Variants in PPFIA2 observed in about 807,000 individuals in gnomAD.
PPFIA2 encodes liprin-alpha-2.
PPFIA2 carries 46 observed loss-of-function variants against 175.5 expected under a neutral mutation model. The observed-to-expected ratio is 0.26, with a 90% CI of 0.21 to 0.34. The LOEUF (loss-of-function observed/expected upper bound fraction) is 0.34, where lower values mean the gene tolerates loss of function less well. Ranked by LOEUF, PPFIA2 falls within the 10% of genes least tolerant of loss-of-function variation. The pLI, the probability that PPFIA2 is intolerant of heterozygous loss-of-function variation, is 1.00. For synonymous variants in PPFIA2, 568 were observed against 511.4 expected (o/e 1.11, Z -1.49); for missense variants, 1,179 against 1,506.1 (o/e 0.78, Z 3.60).
chr12:81,379,820 CAT>C (rs2037237040), intron 9 of PPFIA2, among the ~76,000 whole-genome samples: 1 of 152,122 alleles, frequency 6.6e-6, no homozygotes, highest in African/African-American at 2.4e-5. Context: ...ATCAGTGGAA[CAT>C]ATTTATAAAT....
rs138328261 is a variant in PPFIA2 at position 81,508,482 on chromosome 12, T to C, written c.304-50616A>G. 2.3e-3 allele frequency among the ~76,000 whole-genome samples: 304 copies of C among 134,176 alleles called. 7 individuals are homozygous for C. The East Asian group carries it at 0.048, about 21-fold the overall frequency. 88.0% of individuals were successfully genotyped at this position (134,176 alleles called of 152,430 possible). ...GTTGTGGTGAGCCAAGATCATGCCA[T>C]TGCACTCCAGCCTGGACAACAAGAG... On this transcript the variant is annotated intron_variant, in intron 4 of 32. Coordinates refer to ENST00000549396, the MANE Select transcript of PPFIA2 (RefSeq NM_003625.5).
chr12:81,730,062 C>T (rs1343037386), intron 3 of PPFIA2, among the ~76,000 whole-genome samples: 1 of 151,542 alleles, frequency 6.6e-6, no homozygotes, highest in Non-Finnish European at 1.5e-5. Context: ...GAACTTCTGA[C>T]CCACAGAATT....
chr12:81,406,064 A>G (rs544808232), intron 7 of PPFIA2, among the ~76,000 whole-genome samples, 161 bp from the exon 8 acceptor site: 1 of 152,346 alleles, frequency 6.6e-6, no homozygotes, highest in East Asian at 1.9e-4. Context: ...TATGTGTTTC[A>G]ATGTAGGTCA....
chr12:81,459,187 T>C (rs1338747499), intron 4 of PPFIA2, among the ~76,000 whole-genome samples: 2 of 152,154 alleles, frequency 1.3e-5, no homozygotes, highest in South Asian at 2.1e-4. Flanking sequence ...TAGGGATAAA[T>C]GTTTTCTTCC....
intron 4 of PPFIA2, among the ~76,000 whole-genome samples, chr12:81,562,256 A>G (rs1323163610): frequency 6.6e-6 from 1 of 152,208 alleles, no homozygotes. Flanking sequence ...TAAAAGTAGT[A>G]AGTTATAAGA....
chr12:81,427,022 T>C (rs909506743), intron 7 of PPFIA2, among the ~76,000 whole-genome samples: 18 of 152,270 alleles, frequency 1.2e-4, no homozygotes, highest in African/African-American at 4.1e-4. Flanking sequence ...TTTTTAAAGG[T>C]AGTTTAATTT....
At chr12:81,433,635 T>A (rs1325399682) in intron 7 of PPFIA2, among the ~76,000 whole-genome samples, 2 of 152,226 alleles carry the variant, frequency 1.3e-5, no homozygotes, top group African/African-American at 2.4e-5. Flanking sequence ...TTGCTGTTTA[T>A]TGAGCATACT....
chr12:81,422,889 C>G (rs1232032083), intron 7 of PPFIA2, among the ~76,000 whole-genome samples: 1 of 151,994 alleles, frequency 6.6e-6, no homozygotes, highest in East Asian at 1.9e-4. Flanking sequence ...TAGCTTTCTG[C>G]CCCTGGTTCC....
At chr12:81,430,144 T>C (rs921322926) in intron 7 of PPFIA2, 3 of 152,096 alleles carry the variant, frequency 2.0e-5, no homozygotes, top group African/African-American at 7.2e-5. Flanking sequence ...CCATTGATCT[T>C]AAAATTATAG....
At chr12:81,690,157 A>C (rs2075048366) in intron 3 of PPFIA2, among the ~76,000 whole-genome samples, 1 of 152,014 alleles carries the variant, frequency 6.6e-6, no homozygotes, top group South Asian at 2.1e-4. Context: ...CATACCTTAA[A>C]CTGGATTGTG....
At chr12:81,546,091 T>C (rs1388225052) in intron 4 of PPFIA2, 1 of 126,606 alleles carries the variant, frequency 7.9e-6, no homozygotes, top group Admixed American at 1.0e-4. Context: ...GCCACTGCAC[T>C]CCAGCCTGGG....
intron 4 of PPFIA2, among the ~76,000 whole-genome samples, chr12:81,552,658 T>C (rs1376351029): frequency 6.6e-6 from 1 of 152,058 alleles, no homozygotes; most frequent in Non-Finnish European, 1.5e-5. Context: ...AAAATTCATG[T>C]GTGTAGCTTT....
chr12:81,540,071 A>G (rs1237901073), intron 4 of PPFIA2, among the ~76,000 whole-genome samples: 1 of 152,006 alleles, frequency 6.6e-6, no homozygotes, highest in Non-Finnish European at 1.5e-5. Context: ...AGACAGAGAG[A>G]GAGAGAAAGA....
At chr12:81,377,726 C>A (rs1020833563) in intron 9 of PPFIA2, among the ~76,000 whole-genome samples, 3 of 152,064 alleles carry the variant, frequency 2.0e-5, no homozygotes, top group African/African-American at 7.2e-5. Context: ...CATATTGCTT[C>A]TTGGTTTCAA....
intron 8 of PPFIA2, among the ~76,000 whole-genome samples, chr12:81,397,640 T>G (rs1442117961): frequency 6.6e-6 from 1 of 151,978 alleles, no homozygotes; most frequent in Non-Finnish European, 1.5e-5. Flanking sequence ...AAGATAATTT[T>G]TTTTAAGTTA....
intron 4 of PPFIA2, among the ~76,000 whole-genome samples, chr12:81,618,973 C>T (rs1344029425): frequency 6.6e-6 from 1 of 150,944 alleles, no homozygotes; most frequent in African/African-American, 2.4e-5. Context: ...AAAGGACAAA[C>T]AGTTATTTTT....
chr12:81,440,834 A>ATATAT (rs2050056384), intron 6 of PPFIA2, among the ~76,000 whole-genome samples: 5 of 149,706 alleles, frequency 3.3e-5, no homozygotes, highest in African/African-American at 1.2e-4. Flanking sequence ...ATATATATAT[A>ATATAT]AAACAATTCA....
At chr12:81,550,940 CAAG>C (rs1171373256) in intron 4 of PPFIA2, among the ~76,000 whole-genome samples, 1 of 151,608 alleles carries the variant, frequency 6.6e-6, no homozygotes, top group African/African-American at 2.4e-5. Context: ...TGAAAGAATT[CAAG>C]AAGGAGGGAG....
intron 22 of PPFIA2, chr12:81,302,036 A>G (rs2047973069): frequency 4.0e-6 from 1 of 248,608 alleles, no homozygotes; most frequent in African/African-American, 2.3e-5. Context: ...AGTCTAGAAC[A>G]AGATCAGGCA....
Sources: gnomAD v4.1 joint callset for allele counts (sites outside exome capture counted in the v4.1 genomes callset) on GRCh38, gnomAD v4.1.1 for gene constraint, MANE v1.5 for transcripts, NCBI Gene and HGNC (gene_info 2026-07-23, HGNC 2026-07-21) for gene names.